The following RBFOX1 variants were observed in gnomAD, a reference collection of about 807,000 sequenced individuals.
The protein encoded by RBFOX1 is RNA binding fox-1 homolog 1.
In RBFOX1, 8 loss-of-function variants were observed where a neutral mutation model predicts 57.7. The observed-to-expected ratio is 0.14, with a 90% CI of 0.08 to 0.25. The LOEUF (loss-of-function observed/expected upper bound fraction) is 0.25. Ranked by LOEUF, RBFOX1 falls within the 10% of genes least tolerant of loss-of-function variation. The probability of loss-of-function intolerance (pLI) is 1.00; values close to 1 mark genes in which losing one functional copy is unlikely to be tolerated. For synonymous variants in RBFOX1, 326 were observed against 222.4 expected (o/e 1.47, Z -4.15); for missense variants, 611 against 548.5 (o/e 1.11, Z -1.14).
intron 1 of RBFOX1, among the ~76,000 whole-genome samples, chr16:5,263,862 A>G (rs2151104966): frequency 6.6e-6 from 1 of 152,336 alleles, no homozygotes; most frequent in Admixed American, 6.5e-5. Flanking sequence ...GGTTAAAAAT[A>G]TTGCTGAAGA....
chr16:7,150,631 T>C (rs1283478473), intron 4 of RBFOX1, among the ~76,000 whole-genome samples: 3 of 152,230 alleles, frequency 2.0e-5, no homozygotes, highest in Non-Finnish European at 2.9e-5. Flanking sequence ...CTTAATTCTT[T>C]ACGACTGCTG....
At chr16:7,326,427 A>T (rs1238605802) in intron 4 of RBFOX1, among the ~76,000 whole-genome samples, 3 of 152,156 alleles carry the variant, frequency 2.0e-5, no homozygotes, top group Non-Finnish European at 4.4e-5. Context: ...ATAGAATGGA[A>T]GCTCGAACAG....
intron 3 of RBFOX1, among the ~76,000 whole-genome samples, chr16:5,782,494 A>G (rs890250978): frequency 2.6e-5 from 4 of 152,166 alleles, no homozygotes; most frequent in Non-Finnish European, 5.9e-5. Context: ...TGCATTGGGG[A>G]TTAAATTAAA....
At chr16:6,501,059 C>G (rs1300485838) in intron 2 of RBFOX1, among the ~76,000 whole-genome samples, 1 of 151,334 alleles carries the variant, frequency 6.6e-6, no homozygotes, top group Non-Finnish European at 1.5e-5. Context: ...GGAGTCTGCC[C>G]CTGGACCCTA....
chr16:5,624,432 C>A (rs1230154291), intron 3 of RBFOX1, among the ~76,000 whole-genome samples: 1 of 152,214 alleles, frequency 6.6e-6, no homozygotes, highest in Non-Finnish European at 1.5e-5. Context: ...CTCCTGACCT[C>A]GTGATCCGCC....
intron 3 of RBFOX1, among the ~76,000 whole-genome samples, chr16:6,825,772 A>C (rs926316354): frequency 6.6e-6 from 1 of 152,136 alleles, no homozygotes; most frequent in African/African-American, 2.4e-5. Flanking sequence ...TCCTGAAGAC[A>C]CGCAGCTAAT....
chr16:5,709,484 G>A (rs1475006085), intron 3 of RBFOX1, among the ~76,000 whole-genome samples: 1 of 152,024 alleles, frequency 6.6e-6, no homozygotes, highest in African/African-American at 2.4e-5. Flanking sequence ...TCCTCCCAAA[G>A]TATCCTAGGG....
At chr16:7,481,359 C>G (rs2063894031) in intron 4 of RBFOX1, among the ~76,000 whole-genome samples, 2 of 152,116 alleles carry the variant, frequency 1.3e-5, no homozygotes, top group African/African-American at 4.8e-5. Flanking sequence ...AGAATGTATG[C>G]ACATATGTCA....
Position 5,467,393 on chromosome 16 carries a change from C to G in RBFOX1, c.258+139C>G, listed in dbSNP as rs73528609. 1.8e-3 allele frequency: 1,393 copies of G among 767,382 alleles called. 13 individuals are homozygous for G. The African/African-American group carries it at 0.022, about 12-fold the overall frequency. 47.5% of individuals were successfully genotyped at this position (767,382 alleles called of 1,614,324 possible). A position where few individuals can be genotyped will look rare whatever the true frequency, so the allele number is the denominator to read the frequency against. On this transcript the variant is annotated intron_variant, in intron 2 of 2. Coordinates refer to the RBFOX1 transcript ENST00000585867. Reference sequence around the variant, plus strand: ...GTAATCAACCACAGCACAGTTCATCCCTTAGCAAGAAGGTCACTACTAATT... The same window carrying G: ...GTAATCAACCACAGCACAGTTCATCGCTTAGCAAGAAGGTCACTACTAATT...
At chr16:6,069,414 A>G (rs1281986550) in intron 1 of RBFOX1, among the ~76,000 whole-genome samples, 1 of 147,316 alleles carries the variant, frequency 6.8e-6, no homozygotes, top group African/African-American at 2.6e-5. Flanking sequence ...AAAAAAAAAA[A>G]AAGGGAGGGG....
At chr16:6,698,614 T>G (rs1201723299) in intron 3 of RBFOX1, among the ~76,000 whole-genome samples, 1 of 152,152 alleles carries the variant, frequency 6.6e-6, no homozygotes, top group African/African-American at 2.4e-5. Flanking sequence ...ACATGCCACT[T>G]CTCCATCTGT....
intron 2 of RBFOX1, chr16:6,483,794 C>A: frequency 1.4e-6 from 2 of 1,379,576 alleles, no homozygotes; most frequent in Non-Finnish European, 1.9e-6. Context: ...GACACGGTGG[C>A]GGCGTGTGCG....
chr16:5,453,592 A>G (rs1000385119), intron 1 of RBFOX1, among the ~76,000 whole-genome samples: 6 of 152,252 alleles, frequency 3.9e-5, no homozygotes, highest in Non-Finnish European at 8.8e-5. Context: ...ATAGGAGTCA[A>G]TATATCCTCT....
intron 5 of RBFOX1, among the ~76,000 whole-genome samples, chr16:7,548,666 C>T (rs535142011): frequency 5.9e-5 from 9 of 152,322 alleles, no homozygotes; most frequent in Non-Finnish European, 7.3e-5. Context: ...CAAAGCTTCT[C>T]GCCTCCAGCC....
At chr16:5,756,772 T>A (rs1025944400) in intron 3 of RBFOX1, among the ~76,000 whole-genome samples, 1 of 152,210 alleles carries the variant, frequency 6.6e-6, no homozygotes, top group East Asian at 1.9e-4. Flanking sequence ...AGATGTTACT[T>A]GCCAGGGATC....
chr16:7,071,024 G>C lies in RBFOX1; in HGVS notation c.27+18926G>C, dbSNP rs182905296. Among the ~76,000 whole-genome samples the C allele has an allele frequency of 8.7e-4, 133 of 152,282 alleles. No individual in the cohort carries two copies. In the East Asian group the frequency reaches 0.018, roughly 21 times the overall value. ...CCTCAAGCTACATTTGCCATTAAGAGAAATGAACTTCAAAAAACAGCATAG... is the reference window on the plus strand; with the variant it reads ...CCTCAAGCTACATTTGCCATTAAGACAAATGAACTTCAAAAAACAGCATAG... On this transcript the variant is annotated intron_variant, in intron 4 of 15. Coordinates refer to ENST00000550418, the MANE Select transcript of RBFOX1 (RefSeq NM_018723.4).
At chr16:6,726,438 C>G (rs1434588205) in intron 3 of RBFOX1, among the ~76,000 whole-genome samples, 1 of 148,754 alleles carries the variant, frequency 6.7e-6, no homozygotes, top group Non-Finnish European at 1.5e-5. Flanking sequence ...AAAATCACGA[C>G]TTGTCTTAAG....
chr16:7,638,514 A>G (rs1597080052), intron 11 of RBFOX1, among the ~76,000 whole-genome samples: 1 of 152,140 alleles, frequency 6.6e-6, no homozygotes, highest in African/African-American at 2.4e-5. Context: ...CAGCAACTCT[A>G]TTTGGGCCAA....
intron 4 of RBFOX1, among the ~76,000 whole-genome samples, chr16:7,445,176 T>C (rs1395259941): frequency 6.6e-6 from 1 of 152,154 alleles, no homozygotes; most frequent in African/African-American, 2.4e-5. Flanking sequence ...CCTGGGCAGT[T>C]AGCAAGGATT....
Sources: gnomAD v4.1 joint callset for allele counts (sites outside exome capture counted in the v4.1 genomes callset) on GRCh38, gnomAD v4.1.1 for gene constraint, MANE v1.5 for transcripts, NCBI Gene and HGNC (gene_info 2026-07-23, HGNC 2026-07-21) for gene names.